The following ACP1 variants were observed in gnomAD, a reference collection of about 807,000 sequenced individuals.
ACP1 encodes the protein acid phosphatase 1.
A neutral mutation model predicts 23.4 loss-of-function variants in ACP1; 23 were observed. The ratio of observed to expected loss-of-function variants is 0.98; its 90% CI spans 0.71 to 1.39. The LOEUF (loss-of-function observed/expected upper bound fraction) is 1.39. Among genes scored for constraint, ACP1 ranks in the 40% most tolerant of loss-of-function variants. The pLI is 0.00. For synonymous variants in ACP1, 72 were observed against 67.2 expected (o/e 1.07, Z -0.35); for missense variants, 180 against 197.7 (o/e 0.91, Z 0.54).
In ACP1 at chr2:272,130, A is replaced by G; in HGVS notation, c.211A>G (p.Met71Val). The G allele has an allele frequency of 6.2e-7, 1 of 1,614,188 alleles. No homozygotes were observed. Among genetic ancestry groups the G allele is most frequent in the South Asian group, 1.1e-5 (1 of 91,088 alleles). ...QSCMKRHGIP[M>V]SHVARQITKE... ...CTGCATGAAGAGGCACGGCATTCCC[A>G]TGAGCCACGTTGCCCGGCAGGTACC... Residue 71 changes from methionine to valine, a missense_variant, in exon 3 of 6, where the codon ATG becomes GTG. Met to Val is a conservative substitution (Grantham distance 21). Coordinates refer to ENST00000272065, the MANE Select transcript of ACP1 (RefSeq NM_004300.4).
intron 1 of ACP1, among the ~76,000 whole-genome samples, chr2:267,999 T>TA (rs1669934343): frequency 2.0e-5 from 3 of 152,234 alleles, no homozygotes; most frequent in African/African-American, 4.8e-5. Flanking sequence ...AAATTATTCT[T>TA]ACCGCTGTGG....
At chr2:273,002 C>G (rs1017621537) in intron 3 of ACP1, 6 of 154,488 alleles carry the variant, frequency 3.9e-5, no homozygotes, top group Non-Finnish European at 8.8e-5. Flanking sequence ...TTGCCAGTTT[C>G]TACTGGCCAT....
At position 277,995 on chromosome 2, in the gene ACP1, A is replaced by G. The variant is rs6855; in HGVS notation, c.*691A>G. The G allele has an allele frequency of 0.21, 31,960 of 152,242 alleles. 4,108 individuals carry two copies. The highest frequency in any genetic ancestry group is 0.34 in the South Asian group (1,615 of 4,818). 9.4% of individuals were successfully genotyped at this position (152,242 alleles called of 1,614,324 possible). A position where few individuals can be genotyped will look rare whatever the true frequency, so the allele number is the denominator to read the frequency against. ...CTGAAACTTAATTACATCCAGAAAG[A>G]AGGACACTTGTATGCTAGTCTATGG... On this transcript the variant is annotated 3_prime_UTR_variant, in exon 6 of 6. Transcript: ENST00000272065.
chr2:272,318 T>G, intron 3 of ACP1, 168 bp downstream of exon 3: 1 of 1,607,870 alleles, frequency 6.2e-7, no homozygotes, highest in Non-Finnish European at 8.5e-7. Flanking sequence ...AGACAAGCTC[T>G]TGTTCAATTT....
At chr2:277,168 G>A in intron 5 of ACP1, 59 bp from the exon 6 acceptor site, 1 of 1,593,564 alleles carries the variant, frequency 6.3e-7, no homozygotes, top group Non-Finnish European at 8.6e-7. Context: ...ATGAGATTGT[G>A]TTAAGGATGT....
At chr2:269,736 G>A (rs1669981281) in intron 1 of ACP1, among the ~76,000 whole-genome samples, 1 of 152,166 alleles carries the variant, frequency 6.6e-6, no homozygotes, top group Admixed American at 6.5e-5. Context: ...AACCTAGAAA[G>A]ATCACTCTCT....
chr2:274,937 A>C (rs1396892866), intron 3 of ACP1: 3 of 372,398 alleles, frequency 8.1e-6, no homozygotes, highest in Non-Finnish European at 1.4e-5. Context: ...ATGGAACTTT[A>C]TAATACAAAA....
chr2:277,245 G>C lies in ACP1; in HGVS notation c.418G>C (p.Glu140Gln). 2 of 1,613,880 alleles carry C rather than the reference G, an allele frequency of 1.2e-6. No homozygotes were observed. Among genetic ancestry groups the C allele is most frequent in the South Asian group, 1.1e-5 (1 of 91,054 alleles). The part of the protein sequence containing the change: ...DPYYGNDSDF[E>Q]TVYQQCVRCC... ...CATTTAGGGGAATGACTCTGACTTT[G>C]AGACGGTGTACCAGCAGTGTGTCAG... Residue 140 changes from glutamate (E) to glutamine (Q), a missense_variant, in exon 6 of 6, where the codon GAG becomes CAG. By Grantham distance (29) the Glu-to-Gln change is conservative. This residue lies in a region of ACP1 where 35 missense variants were observed against 40.5 expected (regional missense o/e 0.86). Transcript: ENST00000272065.
At chr2:272,564 T>C in intron 3 of ACP1, 1 of 1,085,192 alleles carries the variant, frequency 9.2e-7, no homozygotes, top group Non-Finnish European at 1.3e-6. Context: ...GGCTGAGCGG[T>C]GCTCTGTCTT....
At chr2:270,313 C>T (rs986612293) in intron 1 of ACP1, among the ~76,000 whole-genome samples, 1 of 152,114 alleles carries the variant, frequency 6.6e-6, no homozygotes, top group Non-Finnish European at 1.5e-5. Flanking sequence ...AAATGTTGGC[C>T]CAGTGTTTTA....
intron 3 of ACP1, among the ~76,000 whole-genome samples, chr2:273,487 G>T (rs1231077574): frequency 6.6e-6 from 1 of 152,202 alleles, no homozygotes; most frequent in African/African-American, 2.4e-5. Context: ...TTTATGAACA[G>T]TGTTTGTTGG....
At chr2:266,832 C>T (rs1669902108) in intron 1 of ACP1, among the ~76,000 whole-genome samples, 1 of 151,850 alleles carries the variant, frequency 6.6e-6, no homozygotes, top group Non-Finnish European at 1.5e-5. Flanking sequence ...AAACTTTCAC[C>T]TTTTTACTTA....
chr2:277,512 T>G lies in ACP1; in HGVS notation c.*208T>G. The stretch of plus-strand genomic sequence containing the variant: ...ATAAAAATCTTTGATTCAGACAGCT[T>G]ATGGGGTATTTTAAGCATTCTTAGA... On this transcript the variant is annotated 3_prime_UTR_variant, in exon 6 of 6. Coordinates refer to ENST00000272065, the MANE Select transcript of ACP1 (RefSeq NM_004300.4). The G allele has an allele frequency of 1.7e-6, 1 of 591,160 alleles. No homozygotes were observed. Among genetic ancestry groups the G allele is most frequent in the South Asian group, 2.0e-5 (1 of 49,576 alleles). 36.6% of individuals were successfully genotyped at this position (591,160 alleles called of 1,614,324 possible).
rs142803686 is a variant in ACP1 at position 272,146 on chromosome 2, G to A, written c.227G>A (p.Arg76Gln). The change falls in exon 3 of 6, where the codon CGG becomes CAG. Residue 76 changes from arginine to glutamine, a missense_variant. By Grantham distance (43) the Arg-to-Gln change is conservative. Around this residue, in one of 3 missense-constraint regions of ACP1, gnomAD observed 132 missense variants for 124.1 expected, o/e 1.06. Coordinates refer to ENST00000272065, the MANE Select transcript of ACP1 (RefSeq NM_004300.4). The stretch of plus-strand genomic sequence containing the variant: ...GGCATTCCCATGAGCCACGTTGCCC[G>A]GCAGGTACCGTCCTTGGACTTGAAG... ...RHGIPMSHVA[R>Q]QITKEDFATF... is the part of the protein sequence containing the mutation. 4.2e-5 allele frequency: 67 copies of A among 1,614,082 alleles called. No individual in the cohort carries two copies. The highest frequency in any genetic ancestry group is 5.1e-5 in the Non-Finnish European group (60 of 1,180,052).
chr2:265,974 A>T (rs1301323314), intron 1 of ACP1, among the ~76,000 whole-genome samples: 3 of 152,154 alleles, frequency 2.0e-5, no homozygotes, highest in African/African-American at 7.2e-5. Flanking sequence ...TCAAACCTAA[A>T]TATTTCCTCC....
chr2:271,320 C>G (rs1670024952), intron 1 of ACP1, among the ~76,000 whole-genome samples: 1 of 152,008 alleles, frequency 6.6e-6, no homozygotes, highest in Non-Finnish European at 1.5e-5. Context: ...ACCGTGTTGT[C>G]TGAATGAGAA....
chr2:268,663 G>A (rs1669954127), intron 1 of ACP1, among the ~76,000 whole-genome samples: 1 of 152,222 alleles, frequency 6.6e-6, no homozygotes, highest in Admixed American at 6.5e-5. Context: ...AATTGAAGAT[G>A]CTGAAGAAGG....
intron 4 of ACP1, 72 bp from the exon 5 acceptor site, chr2:276,908 C>G (rs7568288): frequency 0.9 from 786,442 of 875,052 alleles, 353,848 homozygotes; most frequent in African/African-American, 0.97. Context: ...TGTTTCAGAA[C>G]ACCCTAGCAG....
chr2:268,597 C>T (rs1351195328), intron 1 of ACP1, among the ~76,000 whole-genome samples: 1 of 152,214 alleles, frequency 6.6e-6, no homozygotes, highest in East Asian at 1.9e-4. Flanking sequence ...CCAGGTATAG[C>T]AGACACAGCC....
Sources: gnomAD v4.1 joint callset for allele counts (sites outside exome capture counted in the v4.1 genomes callset) on GRCh38, gnomAD v4.1.1 for gene constraint, gnomAD v4.1.1 regional missense constraint, MANE v1.5 for transcripts, NCBI Gene and HGNC (gene_info 2026-07-23, HGNC 2026-07-21) for gene names.